The following FAM135B variants were observed in gnomAD, a reference collection of about 807,000 sequenced individuals.
FAM135B encodes the protein protein FAM135B.
Under a neutral mutation model 127.7 loss-of-function variants are expected in FAM135B, and 43 were observed. The ratio of observed to expected loss-of-function variants is 0.34; its 90% CI spans 0.26 to 0.43. FAM135B has a LOEUF of 0.43. Ranked by LOEUF, FAM135B falls within the 20% of genes least tolerant of loss-of-function variation. The pLI is 1.00. For missense variants in FAM135B, 1,558 were observed against 1,725.6 expected (o/e 0.90, Z 1.72); for synonymous variants, 670 against 665.1 (o/e 1.01, Z -0.11).
chr8:138,168,126 C>T (rs895296480), intron 11 of FAM135B, 77 bp from the exon 12 acceptor site: 28 of 1,465,172 alleles, frequency 1.9e-5, no homozygotes, highest in Admixed American at 4.4e-5. Context: ...TTCCTAATCC[C>T]GGGAAAATAC....
chr8:138,488,708 C>A (rs1815086191), intron 1 of FAM135B, among the ~76,000 whole-genome samples: 1 of 152,146 alleles, frequency 6.6e-6, no homozygotes, highest in Admixed American at 6.5e-5. Context: ...CACTCTGTCG[C>A]CAGGCTGGAG....
In FAM135B at chr8:138,446,509, C is replaced by T. The variant is rs184219375; in HGVS notation, c.-20+50162G>A. Among the ~76,000 whole-genome samples, 304 of 152,294 alleles carry T rather than the reference C, an allele frequency of 2.0e-3. 1 individual carries two copies. The highest frequency in any genetic ancestry group is 3.3e-3 in the Non-Finnish European group (222 of 68,032). Reference sequence around the variant, plus strand: ...CCTCAGCAGTAACACTGCATACCTACAACTATCTGATCTTTGACAAACCTG... The same window carrying T: ...CCTCAGCAGTAACACTGCATACCTATAACTATCTGATCTTTGACAAACCTG... On this transcript the variant is annotated intron_variant, in intron 1 of 19. Coordinates refer to ENST00000395297, the MANE Select transcript of FAM135B (RefSeq NM_015912.4).
chr8:138,492,493 G>C (rs938902200), intron 1 of FAM135B, among the ~76,000 whole-genome samples: 1 of 151,966 alleles, frequency 6.6e-6, no homozygotes, highest in Admixed American at 6.6e-5. Context: ...ATCACAGCTG[G>C]GGAGAGCATC....
chr8:138,411,246 A>G (rs938518040), intron 1 of FAM135B, among the ~76,000 whole-genome samples: 10 of 152,104 alleles, frequency 6.6e-5, no homozygotes, highest in African/African-American at 2.4e-4. Context: ...ACTATACTAC[A>G]AGGCTACAGT....
At chr8:138,270,197 T>C (rs187338219) in intron 3 of FAM135B, among the ~76,000 whole-genome samples, 86 of 152,148 alleles carry the variant, frequency 5.7e-4, no homozygotes, top group Non-Finnish European at 9.1e-4. Flanking sequence ...TGGAAAAATA[T>C]GGATAAGAAA....
chr8:138,142,596 GC>G (rs1817298537), intron 16 of FAM135B, among the ~76,000 whole-genome samples: 1 of 151,992 alleles, frequency 6.6e-6, no homozygotes. Context: ...GAGCCACCGC[GC>G]CCGGCCTTTT....
At chr8:138,348,595 C>A (rs1233104948) in intron 2 of FAM135B, among the ~76,000 whole-genome samples, 1 of 152,232 alleles carries the variant, frequency 6.6e-6, no homozygotes, top group African/African-American at 2.4e-5. Context: ...ATTAACACAT[C>A]TTCTTCTGGT....
At chr8:138,396,284 G>A (rs112150827) in intron 1 of FAM135B, among the ~76,000 whole-genome samples, 3 of 152,316 alleles carry the variant, frequency 2.0e-5, no homozygotes, top group African/African-American at 4.8e-5. Context: ...TGGCCAGCGT[G>A]TGGCAGGCTG....
At chr8:138,456,032 C>T (rs928509897) in intron 1 of FAM135B, among the ~76,000 whole-genome samples, 5 of 152,150 alleles carry the variant, frequency 3.3e-5, no homozygotes, top group South Asian at 2.1e-4. Flanking sequence ...CAGAAGTGTA[C>T]GTGAGGACCA....
At chr8:138,311,729 C>T (rs529433981) in intron 2 of FAM135B, among the ~76,000 whole-genome samples, 1 of 152,234 alleles carries the variant, frequency 6.6e-6, no homozygotes, top group African/African-American at 2.4e-5. Flanking sequence ...CATAGCTGGG[C>T]GAGCACCCTG....
chr8:138,271,083 G>A (rs1479561064), intron 3 of FAM135B, among the ~76,000 whole-genome samples: 1 of 152,172 alleles, frequency 6.6e-6, no homozygotes, highest in Admixed American at 6.5e-5. Context: ...ACTTCATTGT[G>A]TCAGCCCAGG....
At chr8:138,352,152 T>C (rs1829823455) in intron 2 of FAM135B, among the ~76,000 whole-genome samples, 1 of 152,174 alleles carries the variant, frequency 6.6e-6, no homozygotes, top group Admixed American at 6.5e-5. Context: ...AGACAGTGTT[T>C]AAACCCATGA....
At chr8:138,410,803 A>G (rs1833819971) in intron 1 of FAM135B, among the ~76,000 whole-genome samples, 1 of 152,236 alleles carries the variant, frequency 6.6e-6, no homozygotes, top group African/African-American at 2.4e-5. Flanking sequence ...GAAAGAAAAT[A>G]AATCATTTTA....
At position 138,131,821 on chromosome 8, in the gene FAM135B, T is replaced by C. The variant is rs1586550773; in HGVS notation, c.*772A>G. On this transcript the variant is annotated 3_prime_UTR_variant, in exon 20 of 20. Transcript: ENST00000395297. Reference sequence around the variant, plus strand: ...CAGTGTTCCCTACTACAGACAAAGATGTAAGCAATCACTAAAATAATTTGT... The same window carrying C: ...CAGTGTTCCCTACTACAGACAAAGACGTAAGCAATCACTAAAATAATTTGT... 3 of 152,668 alleles carry C rather than the reference T, an allele frequency of 2.0e-5. No homozygotes were observed. The East Asian group carries it at 5.8e-4, about 29-fold the overall frequency. 9.5% of individuals were successfully genotyped at this position (152,668 alleles called of 1,614,324 possible). A position where few individuals can be genotyped will look rare whatever the true frequency, so the allele number is the denominator to read the frequency against.
At chr8:138,402,063 A>G (rs770167884) in intron 1 of FAM135B, among the ~76,000 whole-genome samples, 1 of 152,090 alleles carries the variant, frequency 6.6e-6, no homozygotes, top group Non-Finnish European at 1.5e-5. Context: ...ACAGAGACAG[A>G]GAGTGAGAAC....
chr8:138,190,466 A>G (rs1816010958), intron 9 of FAM135B, among the ~76,000 whole-genome samples: 1 of 152,228 alleles, frequency 6.6e-6, no homozygotes, highest in Admixed American at 6.5e-5. Flanking sequence ...GAAAATACCA[A>G]CACAACAGAC....
chr8:138,168,935 G>A (rs1820185528), intron 11 of FAM135B, among the ~76,000 whole-genome samples: 4 of 152,154 alleles, frequency 2.6e-5, no homozygotes, highest in African/African-American at 7.2e-5. Context: ...TGTTGGAGCA[G>A]CTCGGCCTCT....
At chr8:138,175,303 T>C (rs1215852594) in intron 11 of FAM135B, among the ~76,000 whole-genome samples, 1 of 149,918 alleles carries the variant, frequency 6.7e-6, no homozygotes, top group East Asian at 2.0e-4. Context: ...CATTCTATTC[T>C]AGCTACACTT....
At chr8:138,197,292 T>C (rs1283646240) in intron 8 of FAM135B, among the ~76,000 whole-genome samples, 1 of 152,212 alleles carries the variant, frequency 6.6e-6, no homozygotes, top group African/African-American at 2.4e-5. Context: ...GGCAGATGAA[T>C]GCATGAGTGA....
Sources: allele counts gnomAD v4.1 joint callset (sites outside exome capture counted in the v4.1 genomes callset), GRCh38; gene constraint gnomAD v4.1.1; transcripts MANE v1.5; gene names NCBI Gene and HGNC (gene_info 2026-07-23, HGNC 2026-07-21).